The following KIAA1217 variants were observed in gnomAD, a reference collection of about 807,000 sequenced individuals.
KIAA1217 encodes sickle tail protein homolog.
KIAA1217 carries 88 observed loss-of-function variants against 163.9 expected under a neutral mutation model. The observed-to-expected ratio is 0.54, with a 90% CI of 0.45 to 0.64. The LOEUF (loss-of-function observed/expected upper bound fraction) is 0.64, where lower values mean the gene tolerates loss of function less well. Ranked by LOEUF, KIAA1217 falls within the 30% of genes least tolerant of loss-of-function variation. The pLI is 0.00. For missense variants in KIAA1217, 2,372 were observed against 2,475.0 expected (o/e 0.96, Z 0.88); for synonymous variants, 903 against 923.1 (o/e 0.98, Z 0.39).
intron 2 of KIAA1217, among the ~76,000 whole-genome samples, chr10:24,169,366 AC>A (rs1038612285): frequency 2.6e-5 from 4 of 151,988 alleles, no homozygotes; most frequent in Non-Finnish European, 4.4e-5. Context: ...CGGCTTTCTT[AC>A]CCACAATCAC....
At chr10:24,185,893 G>A (rs1047804999) in intron 2 of KIAA1217, among the ~76,000 whole-genome samples, 2 of 152,002 alleles carry the variant, frequency 1.3e-5, no homozygotes, top group African/African-American at 4.8e-5. Flanking sequence ...GAACCTGGGA[G>A]GCAGAGGTTG....
At chr10:23,790,679 TA>T (rs1021322382) in intron 1 of KIAA1217, among the ~76,000 whole-genome samples, 1 of 127,998 alleles carries the variant, frequency 7.8e-6, no homozygotes, top group African/African-American at 3.8e-5. Flanking sequence ...ATCATATATA[TA>T]ATATGTATGT....
At chr10:24,079,719 G>C (rs116219401) in intron 2 of KIAA1217, among the ~76,000 whole-genome samples, 425 of 152,226 alleles carry the variant, frequency 2.8e-3, no homozygotes, top group African/African-American at 9.9e-3. Flanking sequence ...TGATGGTTGT[G>C]ATAACTTTTG....
At chr10:23,922,457 T>A (rs1375473377) in intron 1 of KIAA1217, among the ~76,000 whole-genome samples, 1 of 152,230 alleles carries the variant, frequency 6.6e-6, no homozygotes, top group Non-Finnish European at 1.5e-5. Flanking sequence ...GGTAATCAAG[T>A]CAGACCTAAG....
intron 3 of KIAA1217, among the ~76,000 whole-genome samples, chr10:24,404,653 A>C (rs1179943938): frequency 6.6e-6 from 1 of 151,988 alleles, no homozygotes; most frequent in Non-Finnish European, 1.5e-5. Flanking sequence ...ATCTCAGACA[A>C]ATGAAAACTG....
chr10:24,102,006 A>T (rs530705100), intron 2 of KIAA1217, among the ~76,000 whole-genome samples: 2 of 152,184 alleles, frequency 1.3e-5, no homozygotes, highest in Admixed American at 6.6e-5. Flanking sequence ...AAAGCCACTA[A>T]ACTGTACATT....
chr10:24,514,125 C>T (rs530513763), intron 10 of KIAA1217, among the ~76,000 whole-genome samples: 1 of 152,214 alleles, frequency 6.6e-6, no homozygotes, highest in East Asian at 1.9e-4. Flanking sequence ...TTATTACTCC[C>T]CCGTCACCAG....
chr10:23,897,740 G>C (rs557518461), intron 1 of KIAA1217, among the ~76,000 whole-genome samples: 1 of 151,728 alleles, frequency 6.6e-6, no homozygotes, highest in Admixed American at 6.6e-5. Flanking sequence ...TATTTTTCCT[G>C]TTTTCTTCAC....
At chr10:24,536,440 A>G (rs2074025949) in intron 16 of KIAA1217, among the ~76,000 whole-genome samples, 1 of 152,246 alleles carries the variant, frequency 6.6e-6, no homozygotes, top group African/African-American at 2.4e-5. Context: ...TAATTTATTT[A>G]CATATTGAGC....
chr10:23,700,286 A>G (rs1350084907), intron 1 of KIAA1217, among the ~76,000 whole-genome samples: 2 of 152,010 alleles, frequency 1.3e-5, no homozygotes, highest in Non-Finnish European at 2.9e-5. Flanking sequence ...TCCCAATCTG[A>G]CCAGTTATCA....
intron 2 of KIAA1217, among the ~76,000 whole-genome samples, chr10:24,269,189 C>A: frequency 7.1e-6 from 1 of 140,638 alleles, no homozygotes; most frequent in Non-Finnish European, 1.5e-5. Flanking sequence ...TGCACATGTA[C>A]CCTAAAAGTT....
chr10:24,043,965 A>G (rs1278041076), intron 2 of KIAA1217, among the ~76,000 whole-genome samples: 2 of 152,150 alleles, frequency 1.3e-5, no homozygotes, highest in African/African-American at 4.8e-5. Context: ...ATCAATATAA[A>G]TAAGACATAT....
At chr10:23,886,311 T>C (rs1306550881) in intron 1 of KIAA1217, among the ~76,000 whole-genome samples, 1 of 151,974 alleles carries the variant, frequency 6.6e-6, no homozygotes, top group East Asian at 1.9e-4. Flanking sequence ...ACACTTTCCT[T>C]TGAATGTCTG....
intron 2 of KIAA1217, among the ~76,000 whole-genome samples, chr10:24,233,589 A>G (rs2071755992): frequency 6.6e-6 from 1 of 152,190 alleles, no homozygotes. Flanking sequence ...AGTTGAGGCT[A>G]TCATTACTCA....
At chr10:23,916,961 A>T (rs1842654009) in intron 1 of KIAA1217, among the ~76,000 whole-genome samples, 1 of 112,212 alleles carries the variant, frequency 8.9e-6, no homozygotes, top group Non-Finnish European at 1.7e-5. Flanking sequence ...ACAGAGTGAG[A>T]TTCTCTCAAA....
rs185990102 is a variant in KIAA1217 at position 24,527,188 on chromosome 10, C to T, written c.2899-748C>T. On this transcript the variant is annotated intron_variant, in intron 13 of 20. Coordinates refer to ENST00000376454, the MANE Select transcript of KIAA1217 (RefSeq NM_019590.5). ...ATTTTATAAGTAGGACAATGTGACC[C>T]AGAGGGCATATAGCAATTCTTTGAT... Among the ~76,000 whole-genome samples, 725 of 151,976 alleles carry T rather than the reference C, an allele frequency of 4.8e-3. 5 individuals carry two copies. The highest frequency in any genetic ancestry group is 7.3e-3 in the Non-Finnish European group (496 of 67,972).
intron 3 of KIAA1217, among the ~76,000 whole-genome samples, chr10:24,430,502 C>T (rs1274544632): frequency 5.3e-5 from 8 of 152,096 alleles, no homozygotes; most frequent in African/African-American, 1.9e-4. Flanking sequence ...AAACGCATTA[C>T]ATTTAGCATG....
chr10:23,874,196 C>T (rs1233629134), intron 1 of KIAA1217, among the ~76,000 whole-genome samples: 2 of 152,036 alleles, frequency 1.3e-5, no homozygotes, highest in East Asian at 1.9e-4. Context: ...TCCTACTAAT[C>T]GGCTGTGAGT....
chr10:24,463,538 C>T (rs2062643899), intron 5 of KIAA1217, among the ~76,000 whole-genome samples: 1 of 152,154 alleles, frequency 6.6e-6, no homozygotes, highest in Non-Finnish European at 1.5e-5. Flanking sequence ...CCAATTTTAC[C>T]AATGCAAACA....
Sources: allele counts gnomAD v4.1 joint callset (sites outside exome capture counted in the v4.1 genomes callset), GRCh38; gene constraint gnomAD v4.1.1; transcripts MANE v1.5; gene names NCBI Gene and HGNC (gene_info 2026-07-23, HGNC 2026-07-21).